The following PDZD2 variants were observed in gnomAD, a reference collection of about 807,000 sequenced individuals.
The protein encoded by PDZD2 is PDZ domain-containing protein 2.
PDZD2 carries 90 observed loss-of-function variants against 220.7 expected under a neutral mutation model. That is an observed-to-expected ratio of 0.41 (90% CI 0.34 to 0.49). The LOEUF is 0.49. Ranked by LOEUF, PDZD2 falls within the 20% of genes least tolerant of loss-of-function variation. The pLI is 0.28. For missense variants in PDZD2, 3,174 were observed against 3,608.5 expected (o/e 0.88, Z 3.08); for synonymous variants, 1,375 against 1,450.5 (o/e 0.95, Z 1.18).
intron 1 of PDZD2, among the ~76,000 whole-genome samples, chr5:31,717,307 G>A (rs1457039007): frequency 2.6e-5 from 4 of 152,114 alleles, no homozygotes; most frequent in Non-Finnish European, 5.9e-5. Flanking sequence ...CTTGTGACTG[G>A]AATACATAGA....
At chr5:31,689,351 A>ATTTTTT (rs1288275783) in intron 1 of PDZD2, among the ~76,000 whole-genome samples, 5 of 28,188 alleles carry the variant, frequency 1.8e-4, no homozygotes, top group African/African-American at 3.0e-4. Flanking sequence ...ATATATATAT[A>ATTTTTT]TATTTTTTTT....
chr5:32,087,862 G>T lies in PDZD2; in HGVS notation c.4414G>T (p.Ala1472Ser). ...GGCTGGAGGTGGGAGCTCCTGCCGT[G>T]CCGAACCAGTCCCGGGGGGCCAGAC... is the stretch of plus-strand genomic sequence containing the variant. Reference protein sequence around the residue: ...AGAGGGSSCRAEPVPGGQTSS... With the variant: ...AGAGGGSSCRSEPVPGGQTSS... The change falls in exon 20 of 25, where the codon GCC becomes TCC. Residue 1472 changes from alanine (A) to serine (S), a missense_variant. Physicochemically the swap from Ala to Ser is moderately conservative, Grantham distance 99. Transcript: ENST00000438447. The surrounding 1 kb of genome is among the most constrained non-coding windows in gnomAD (Gnocchi z 4.0). The T allele has an allele frequency of 6.2e-7, 1 of 1,612,032 alleles. No homozygotes were observed. The highest frequency in any genetic ancestry group is 8.5e-7 in the Non-Finnish European group (1 of 1,179,278).
chr5:31,700,820 C>A (rs545162910), intron 1 of PDZD2, among the ~76,000 whole-genome samples: 20 of 152,322 alleles, frequency 1.3e-4, no homozygotes, highest in African/African-American at 4.8e-4. Flanking sequence ...TCCCAGGAAA[C>A]CTTTCAGACC....
intron 19 of PDZD2, among the ~76,000 whole-genome samples, chr5:32,079,238 G>A (rs1741659308): frequency 1.5e-5 from 2 of 132,150 alleles, no homozygotes; most frequent in Admixed American, 1.6e-4. Flanking sequence ...CAGCCTGGGG[G>A]ACAGAGTGAG....
chr5:31,737,290 A>G (rs1749941800), intron 1 of PDZD2, among the ~76,000 whole-genome samples: 1 of 146,868 alleles, frequency 6.8e-6, no homozygotes. Context: ...CTCCTGCCTC[A>G]GCCTCCTGAG....
chr5:32,101,231 T>G lies in PDZD2; in HGVS notation c.8345T>G (p.Val2782Gly). The change falls in exon 24 of 25, where the codon GTG becomes GGG. Residue 2782 changes from valine (V) to glycine (G), a missense_variant. By Grantham distance (109) the Val-to-Gly change is moderately radical. Transcript: ENST00000438447. ...TGDGPLVIKR[V>G]YKGGAAEQAG... ...GATGGGCCCTTGGTCATTAAAAGAG[T>G]GTACAAAGGTAATGTTCTAGACAAC... The G allele has an allele frequency of 6.2e-7, 1 of 1,611,060 alleles. No homozygotes were observed. The highest frequency in any genetic ancestry group is 8.5e-7 in the Non-Finnish European group (1 of 1,178,292).
chr5:31,676,570 T>C (rs942424380), intron 1 of PDZD2, among the ~76,000 whole-genome samples: 4 of 145,928 alleles, frequency 2.7e-5, no homozygotes, highest in South Asian at 2.2e-4. Context: ...TGCTTTCTCT[T>C]TTTTTTTTTT....
intron 2 of PDZD2, among the ~76,000 whole-genome samples, chr5:31,941,207 C>A (rs528093223): frequency 6.6e-6 from 1 of 152,296 alleles, no homozygotes; most frequent in East Asian, 1.9e-4. Flanking sequence ...CTCTTGCTGG[C>A]CACTTCCACC....
intron 1 of PDZD2, among the ~76,000 whole-genome samples, chr5:31,758,004 A>G (rs576171599): frequency 2.6e-5 from 4 of 152,264 alleles, no homozygotes; most frequent in Admixed American, 2.6e-4. Context: ...TCCCTAATTC[A>G]TTCCACATGT....
At position 32,091,013 on chromosome 5, in the gene PDZD2, C is replaced by G. The variant is rs1027463191; in HGVS notation, c.7565C>G (p.Pro2522Arg). The G allele has an allele frequency of 1.2e-6, 2 of 1,613,870 alleles. No individual in the cohort carries two copies. Among genetic ancestry groups the G allele is most frequent in the Non-Finnish European group, 1.7e-6 (2 of 1,179,900 alleles). ...CTGGAGATCACCCCCAGGAGGTCAC[C>G]TGGCCCTCCTGCTGGAGGCGTTTCG... ...TELEITPRRS[P>R]GPPAGGVSCP... Residue 2522 changes from proline (P) to arginine (R), a missense_variant, in exon 20 of 25, where the codon CCT becomes CGT. This residue lies in a region of PDZD2 where 631 missense variants were observed against 789.9 expected (regional missense o/e 0.80). Transcript: ENST00000438447.
intron 1 of PDZD2, among the ~76,000 whole-genome samples, chr5:31,651,992 G>GTTTTT (rs770006909): frequency 3.4e-5 from 1 of 29,460 alleles, no homozygotes; most frequent in Non-Finnish European, 7.2e-5. Context: ...GCTAATTTTT[G>GTTTTT]TATTTTTTTT....
At chr5:31,960,311 G>A (rs1272483541) in intron 2 of PDZD2, among the ~76,000 whole-genome samples, 1 of 151,862 alleles carries the variant, frequency 6.6e-6, no homozygotes, top group Non-Finnish European at 1.5e-5. Flanking sequence ...CCACCCCCCA[G>A]GTTCAAGAAG....
At chr5:32,053,282 T>C (rs1488445858) in intron 9 of PDZD2, among the ~76,000 whole-genome samples, 1 of 152,234 alleles carries the variant, frequency 6.6e-6, no homozygotes, top group East Asian at 1.9e-4. Flanking sequence ...TTGAATGAAT[T>C]TCATGGCGTT....
intron 1 of PDZD2, among the ~76,000 whole-genome samples, chr5:31,712,575 C>T (rs1748190920): frequency 6.6e-6 from 1 of 152,080 alleles, no homozygotes; most frequent in South Asian, 2.1e-4. Context: ...AGATTTCTTA[C>T]ATGGCAGCTC....
At chr5:31,886,994 T>C (rs1287327084) in intron 2 of PDZD2, among the ~76,000 whole-genome samples, 2 of 152,184 alleles carry the variant, frequency 1.3e-5, no homozygotes, top group Non-Finnish European at 1.5e-5. Flanking sequence ...CCACCACGCC[T>C]GGTCTCTGTA....
intron 1 of PDZD2, chr5:31,725,965 G>A: frequency 1.7e-6 from 1 of 594,068 alleles, no homozygotes; most frequent in Non-Finnish European, 3.0e-6. Context: ...AACAGATGAT[G>A]AAATAGGCAG....
rs1343760176 is a variant in PDZD2 at position 32,089,174 on chromosome 5, G to A, written c.5726G>A (p.Gly1909Glu). The change falls in exon 20 of 25, where the codon GGG becomes GAG. Residue 1909 changes from glycine to glutamate, a missense_variant. Gly to Glu is a moderately conservative substitution (Grantham distance 98). Coordinates refer to ENST00000438447, the MANE Select transcript of PDZD2 (RefSeq NM_178140.4). ...CCTGCTGCGAATGCTGTGAAGGCTG[G>A]GGGGACGGACCACAGGAAACCCTTG... is the stretch of plus-strand genomic sequence containing the variant. ...EAPAANAVKA[G>E]GTDHRKPLIS... is the part of the protein sequence containing the mutation. The A allele has an allele frequency of 6.2e-7, 1 of 1,613,984 alleles. No homozygotes were observed. Among genetic ancestry groups the A allele is most frequent in the African/African-American group, 1.3e-5 (1 of 74,892 alleles).
At position 31,856,779 on chromosome 5, in the gene PDZD2, G is replaced by A. The variant is rs1580907923; in HGVS notation, c.476+57055G>A. 2.6e-5 allele frequency among the ~76,000 whole-genome samples: 4 copies of A among 151,958 alleles called. No homozygotes were observed. In the South Asian group the frequency reaches 6.2e-4, roughly 24 times the overall value. On this transcript the variant is annotated intron_variant, in intron 2 of 24. Coordinates refer to ENST00000438447, the MANE Select transcript of PDZD2 (RefSeq NM_178140.4). ...GCTCTCCCCTTTTGCCTTCTTCATC[G>A]TCTTCTGTTTCCCAGAGGTTTGGCC...
At chr5:31,886,424 G>A (rs1319774377) in intron 2 of PDZD2, among the ~76,000 whole-genome samples, 1 of 152,040 alleles carries the variant, frequency 6.6e-6, no homozygotes, top group East Asian at 1.9e-4. Flanking sequence ...TGAGCTTGCT[G>A]CCCGGACTCC....
Sources: gnomAD v4.1 joint callset for allele counts (sites outside exome capture counted in the v4.1 genomes callset) on GRCh38, gnomAD v4.1.1 for gene constraint, gnomAD v4.1.1 regional missense constraint, Gnocchi (gnomAD v3.1) non-coding constraint, MANE v1.5 for transcripts, NCBI Gene and HGNC (gene_info 2026-07-23, HGNC 2026-07-21) for gene names.